Variants in COPG2 observed in about 807,000 individuals in gnomAD.
COPG2 encodes the protein coat protein complex I subunit gamma 2.
A neutral mutation model predicts 46.3 loss-of-function variants in COPG2; 37 were observed. The observed-to-expected ratio is 0.80, with a 90% CI of 0.61 to 1.05. The LOEUF (loss-of-function observed/expected upper bound fraction) is 1.05, where lower values mean the gene tolerates loss of function less well. COPG2 is among the 50% of genes least tolerant of loss of function. COPG2 has a pLI of 0.00. For missense variants in COPG2, 427 were observed against 387.8 expected (o/e 1.10, Z -0.85); for synonymous variants, 159 against 129.7 (o/e 1.23, Z -1.53).
At chr7:130,607,424 G>A (rs369366687) in intron 9 of COPG2, 13 of 431,932 alleles carry the variant, frequency 3.0e-5, no homozygotes, top group African/African-American at 2.3e-4. Context: ...TGTACTTCTG[G>A]CAATTTTTAC....
chr7:130,668,713 G>C lies in COPG2; in HGVS notation c.-45C>G. 2 of 1,510,846 alleles carry C rather than the reference G, an allele frequency of 1.3e-6. No homozygotes were observed. Among genetic ancestry groups the C allele is most frequent in the Non-Finnish European group, 1.8e-6 (2 of 1,129,366 alleles). 93.6% of individuals were successfully genotyped at this position (1,510,846 alleles called of 1,614,324 possible). On this transcript the variant is annotated 5_prime_UTR_variant, in exon 1 of 24. Coordinates refer to ENST00000425248, the MANE Select transcript of COPG2 (RefSeq NM_012133.6). The stretch of plus-strand genomic sequence containing the variant: ...CCCAGACCCACCGCAACCGTCCCAG[G>C]CGCCGCAGCCGGCGAGCGGAAGAGG...
intron 4 of COPG2, among the ~76,000 whole-genome samples, chr7:130,660,255 A>G (rs1795950879): frequency 6.6e-6 from 1 of 152,346 alleles, no homozygotes; most frequent in African/African-American, 2.4e-5. Flanking sequence ...GTCATTATTC[A>G]TAACCTGCAG....
At chr7:130,516,270 T>C (rs1799677458) in intron 20 of COPG2, among the ~76,000 whole-genome samples, 3 of 152,026 alleles carry the variant, frequency 2.0e-5, no homozygotes, top group African/African-American at 7.3e-5. Flanking sequence ...AGAAGCCAGG[T>C]TAGATGCTAT....
chr7:130,625,191 T>C (rs1795096849), intron 5 of COPG2, among the ~76,000 whole-genome samples: 1 of 152,256 alleles, frequency 6.6e-6, no homozygotes, highest in African/African-American at 2.4e-5. Flanking sequence ...TTCATATGTT[T>C]GTTGGCTGTC....
intron 9 of COPG2, among the ~76,000 whole-genome samples, chr7:130,597,202 C>G (rs1203480424): frequency 1.3e-5 from 2 of 152,170 alleles, no homozygotes; most frequent in Admixed American, 6.5e-5. Context: ...ACAGAAGGAG[C>G]AGAGCCCTGC....
In COPG2 at chr7:130,582,564, T is replaced by C. The variant is rs1355009352; in HGVS notation, c.738-18171A>G. Among the ~76,000 whole-genome samples, 16 of 151,444 alleles carry C rather than the reference T, an allele frequency of 1.1e-4. No homozygotes were observed. The South Asian group carries it at 3.3e-3, about 32-fold the overall frequency. On this transcript the variant is annotated intron_variant, in intron 9 of 23. Coordinates refer to ENST00000425248, the MANE Select transcript of COPG2 (RefSeq NM_012133.6). ...CTACCATCAGAGTGAACAGGCAACC[T>C]ACAAAATGGGAGAAAATTTTTGCAA...
At chr7:130,511,835 C>T (rs782295175) in intron 20 of COPG2, 1 of 519,570 alleles carries the variant, frequency 1.9e-6, no homozygotes, top group Admixed American at 1.9e-5. Context: ...GAGGCAGCAG[C>T]AGACTAGCTC....
intron 16 of COPG2, 139 bp downstream of exon 16, chr7:130,551,093 TAAACACAGG>T (rs1334851664): frequency 0.16 from 62,430 of 389,764 alleles, 6,216 homozygotes; most frequent in Non-Finnish European, 0.21. Context: ...AAATATCCTA[TAAACACAGG>T]TTTCTCTAGA....
At chr7:130,520,189 A>G (rs1799713004) in intron 20 of COPG2, among the ~76,000 whole-genome samples, 1 of 152,224 alleles carries the variant, frequency 6.6e-6, no homozygotes, top group South Asian at 2.1e-4. Context: ...AATATTTACG[A>G]TATGGCAGGG....
chr7:130,587,990 T>C lies in COPG2; in HGVS notation c.737+22963A>G, dbSNP rs1272076257. 4.6e-5 allele frequency among the ~76,000 whole-genome samples: 7 copies of C among 151,912 alleles called. No individual in the cohort carries two copies. In the East Asian group the frequency reaches 5.8e-4, roughly 13 times the overall value. On this transcript the variant is annotated intron_variant, in intron 9 of 23. Coordinates refer to ENST00000425248, the MANE Select transcript of COPG2 (RefSeq NM_012133.6). ...CCCATCAAAAAGTGGGCGAAGTATATGAACAGACACTTCTCAAAAGAAGAC... is the reference window on the plus strand; with the variant it reads ...CCCATCAAAAAGTGGGCGAAGTATACGAACAGACACTTCTCAAAAGAAGAC...
rs1432828631 is a variant in COPG2, at chr7:130,590,518, G to A, written c.737+20435C>T. Among the ~76,000 whole-genome samples the A allele has an allele frequency of 5.3e-5, 8 of 152,220 alleles. No homozygotes were observed. In the East Asian group the frequency reaches 7.7e-4, roughly 15 times the overall value. ...AGTGATCCGCCAGCCTCGGCCTCCC[G>A]AGGTGCCGGGATGGCAGACGGAGTT... On this transcript the variant is annotated intron_variant, in intron 9 of 23. Transcript: ENST00000425248.
intron 1 of COPG2, among the ~76,000 whole-genome samples, 175 bp from the exon 2 acceptor site, chr7:130,667,709 T>G (rs949498189): frequency 6.6e-6 from 1 of 152,250 alleles, no homozygotes; most frequent in Non-Finnish European, 1.5e-5. Flanking sequence ...GCTCTGTCAC[T>G]GCCATACTCG....
intron 9 of COPG2, among the ~76,000 whole-genome samples, chr7:130,590,696 A>T (rs1180370394): frequency 6.6e-6 from 1 of 151,544 alleles, no homozygotes; most frequent in Non-Finnish European, 1.5e-5. Flanking sequence ...GGAAGTGAGG[A>T]GCGTCTCTGC....
At chr7:130,613,184 T>A (rs1463961306) in intron 7 of COPG2, among the ~76,000 whole-genome samples, 1 of 152,184 alleles carries the variant, frequency 6.6e-6, no homozygotes, top group Non-Finnish European at 1.5e-5. Context: ...AGGCATTAGA[T>A]TCTCATATGA....
chr7:130,548,640 C>T (rs1308793780), intron 18 of COPG2, 98 bp from the exon 19 acceptor site: 7 of 392,134 alleles, frequency 1.8e-5, no homozygotes, highest in Admixed American at 4.4e-5. Context: ...CAGTGGCTCA[C>T]GCCTGTAATC....
At chr7:130,614,810 T>C (rs1554452632) in intron 6 of COPG2, among the ~76,000 whole-genome samples, 1 of 152,212 alleles carries the variant, frequency 6.6e-6, no homozygotes, top group Non-Finnish European at 1.5e-5. Context: ...AAATATTTCA[T>C]AGGGAAGTTG....
At chr7:130,617,558 T>G (rs544186739) in intron 5 of COPG2, among the ~76,000 whole-genome samples, 1 of 152,348 alleles carries the variant, frequency 6.6e-6, no homozygotes, top group Admixed American at 6.5e-5. Context: ...TTCAGACCTT[T>G]CTGCTGAGCT....
intron 9 of COPG2, among the ~76,000 whole-genome samples, chr7:130,591,175 C>A (rs1315055125): frequency 7.2e-6 from 1 of 139,184 alleles, no homozygotes; most frequent in Non-Finnish European, 1.6e-5. Context: ...CCAGCCGCCC[C>A]GTCCGGGAGG....
intron 20 of COPG2, among the ~76,000 whole-genome samples, chr7:130,542,748 G>A (rs1292719542): frequency 2.0e-5 from 3 of 152,162 alleles, no homozygotes; most frequent in South Asian, 2.1e-4. Flanking sequence ...ATTTGATGAC[G>A]GAAGTTTATG....
Sources: gnomAD v4.1 joint callset for allele counts (sites outside exome capture counted in the v4.1 genomes callset) on GRCh38, gnomAD v4.1.1 for gene constraint, MANE v1.5 for transcripts, NCBI Gene and HGNC (gene_info 2026-07-23, HGNC 2026-07-21) for gene names.